The following NT5DC4 variants were observed in gnomAD, a reference collection of about 807,000 sequenced individuals.
NT5DC4 encodes 5'-nucleotidase domain-containing protein 4.
In NT5DC4, 44 loss-of-function variants were observed where a neutral mutation model predicts 26.6. The observed-to-expected ratio is 1.65, with a 90% CI of 1.30 to 2.13. The LOEUF is 2.13. Ranked by LOEUF, NT5DC4 falls within the 30% of genes most tolerant of loss-of-function variation. The pLI is 0.00. For synonymous variants in NT5DC4, 157 were observed against 86.7 expected (o/e 1.81, Z -4.51); for missense variants, 399 against 228.1 (o/e 1.75, Z -4.83).
intron 16 of NT5DC4, among the ~76,000 whole-genome samples, chr2:112,732,207 G>A (rs1204712993): frequency 9.0e-6 from 1 of 111,414 alleles, no homozygotes; most frequent in Non-Finnish European, 1.8e-5. Context: ...CACCGAGCCT[G>A]GCATTTTTTT....
Position 112,724,836 on chromosome 2 carries a change from C to A in NT5DC4, c.845C>A (p.Thr282Lys), listed in dbSNP as rs904701383. 13 of 717,072 alleles carry A rather than the reference C, an allele frequency of 1.8e-5. No homozygotes were observed. Among genetic ancestry groups the A allele is most frequent in the Non-Finnish European group, 3.1e-5 (12 of 385,028 alleles). The allele number at this position is 717,072 out of a possible 1,614,324, so 44.4% of individuals were successfully genotyped here. Residue 282 changes from threonine (T) to lysine (K), a missense_variant, in exon 11 of 17, where the codon ACG becomes AAG. Transcript: ENST00000688554. The stretch of plus-strand genomic sequence containing the variant: ...TACTTTGACCTGATCGTGGTGGACA[C>A]GCAGAAGCCCCACTTCTTTGCAGAG... ...RSYFDLIVVDTQKPHFFAEGL... is the reference protein window; with the variant it reads ...RSYFDLIVVDKQKPHFFAEGL...
At chr2:112,729,746 A>G (rs949290193) in intron 16 of NT5DC4, 42 bp downstream of exon 16, 1 of 716,988 alleles carries the variant, frequency 1.4e-6, no homozygotes, top group Admixed American at 2.0e-5. Context: ...TTGGGGTCCC[A>G]TGGGCTAGAG....
chr2:112,724,755 G>A lies in NT5DC4; in HGVS notation c.790-26G>A, dbSNP rs920430166. 8 of 716,422 alleles carry A rather than the reference G, an allele frequency of 1.1e-5. No individual in the cohort carries two copies. In the Admixed American group the frequency reaches 1.4e-4, roughly 13 times the overall value. 44.4% of individuals were successfully genotyped at this position (716,422 alleles called of 1,614,324 possible). A position where few individuals can be genotyped will look rare whatever the true frequency, so the allele number is the denominator to read the frequency against. ...AGGTCAGATTTACCAGGCTGTGTGT[G>A]TGCAGCCCGTGTGCACCCCCAACAG... On this transcript the variant is annotated intron_variant, in intron 10 of 16. Coordinates refer to ENST00000688554, the MANE Select transcript of NT5DC4 (RefSeq NM_001393655.1).
At chr2:112,734,153 C>T (rs1239259356) in intron 16 of NT5DC4, among the ~76,000 whole-genome samples, 1 of 77,428 alleles carries the variant, frequency 1.3e-5, no homozygotes, top group African/African-American at 5.2e-5. Flanking sequence ...TAAGTGTTTT[C>T]TATGCTATTA....
chr2:112,721,936 G>C lies in NT5DC4; in HGVS notation c.148+45G>C, dbSNP rs542492953. On this transcript the variant is annotated intron_variant, in intron 2 of 16. Transcript: ENST00000688554. ...AGCGTATTGGGAGCTGGAGGGAGCA[G>C]GGGTGGGCAGCTGGGCACCAAAGCC... The C allele has an allele frequency of 4.0e-5, 29 of 717,374 alleles. No individual in the cohort carries two copies. The African/African-American group carries it at 4.2e-4, about 10-fold the overall frequency. 44.4% of individuals were successfully genotyped at this position (717,374 alleles called of 1,614,324 possible).
At chr2:112,737,298 C>T (rs976112785) in intron 16 of NT5DC4, 1 of 152,120 alleles carries the variant, frequency 6.6e-6, no homozygotes, top group Non-Finnish European at 1.5e-5. Flanking sequence ...CTTTAGGAGC[C>T]TCCATACCGT....
intron 15 of NT5DC4, among the ~76,000 whole-genome samples, chr2:112,728,291 G>T (rs1678019402): frequency 6.6e-6 from 1 of 152,238 alleles, no homozygotes; most frequent in African/African-American, 2.4e-5. Flanking sequence ...GGAAGGCACA[G>T]TCCTCCTACC....
chr2:112,729,332 G>C (rs1678175465), intron 15 of NT5DC4, among the ~76,000 whole-genome samples: 1 of 152,194 alleles, frequency 6.6e-6, no homozygotes, highest in African/African-American at 2.4e-5. Context: ...ATGTTGCCCA[G>C]GCTGGTCTTG....
chr2:112,719,524 T>C (rs537274613), upstream of NT5DC4, among the ~76,000 whole-genome samples: 1 of 146,252 alleles, frequency 6.8e-6, no homozygotes, highest in African/African-American at 2.6e-5. Context: ...CTTGCTGTGT[T>C]GCCCAGGCTG....
At chr2:112,722,449 G>A (rs1212242153) in intron 4 of NT5DC4, 34 bp from the exon 5 acceptor site, 1 of 716,818 alleles carries the variant, frequency 1.4e-6, no homozygotes, top group Non-Finnish European at 2.6e-6. Flanking sequence ...AGGCCTCCAG[G>A]AGGCACTGGG....
chr2:112,741,053 T>C (rs60396978), downstream of NT5DC4: 9,189 of 1,274,302 alleles, frequency 7.2e-3, 499 homozygotes, highest in African/African-American at 0.12. Flanking sequence ...ACCAATTTAA[T>C]ACTTCAACTA....
upstream of NT5DC4, among the ~76,000 whole-genome samples, chr2:112,719,579 G>A (rs1395995637): frequency 7.2e-6 from 1 of 138,930 alleles, no homozygotes; most frequent in Non-Finnish European, 1.5e-5. Context: ...TCTGCTTTCT[G>A]GGTTCAAGTG....
chr2:112,722,699 C>A lies in NT5DC4; in HGVS notation c.470-15C>A, dbSNP rs188055009. On this transcript the variant is annotated splice_polypyrimidine_tract_variant and intron_variant, in intron 5 of 16. Transcript: ENST00000688554. ...GCTCCCTGGGCTGACAACTGACCAT[C>A]CTGTCTGCCCCCAGAAACCTACCTC... 2.3e-4 allele frequency: 162 copies of A among 717,668 alleles called. No homozygotes were observed. The African/African-American group carries it at 2.5e-3, about 11-fold the overall frequency. The allele number at this position is 717,668 out of a possible 1,614,324, so 44.5% of individuals were successfully genotyped here.
downstream of NT5DC4, among the ~76,000 whole-genome samples, chr2:112,741,334 C>A (rs1167610516): frequency 6.6e-6 from 1 of 152,174 alleles, no homozygotes. Context: ...TAATCACTGG[C>A]CTTCTACCCT....
At position 112,724,912 on chromosome 2, in the gene NT5DC4, T is replaced by G. The variant is rs1244023510; in HGVS notation, c.915+6T>G. The G allele has an allele frequency of 1.4e-6, 1 of 716,632 alleles. No individual in the cohort carries two copies. Among genetic ancestry groups the G allele is most frequent in the East Asian group, 2.7e-5 (1 of 37,264 alleles). The allele number at this position is 716,632 out of a possible 1,614,324, so 44.4% of individuals were successfully genotyped here. ...CGGTAATGGCAGGTGCAGAGGTCAGTCCACCTGCACCCATGGACCACGGTT... is the reference window on the plus strand; with the variant it reads ...CGGTAATGGCAGGTGCAGAGGTCAGGCCACCTGCACCCATGGACCACGGTT... On this transcript the variant is annotated splice_donor_region_variant and intron_variant, in intron 11 of 16. Coordinates refer to ENST00000688554, the MANE Select transcript of NT5DC4 (RefSeq NM_001393655.1).
At chr2:112,742,396 C>T, downstream of NT5DC4, 1 of 717,488 alleles carries the variant, frequency 1.4e-6, no homozygotes, top group Non-Finnish European at 2.6e-6. Context: ...TAAGGCATTT[C>T]TCCTTTCTGC....
Position 112,722,002 on chromosome 2 carries a change from T to G in NT5DC4, c.165T>G (p.Ala55=). Residue 55 remains alanine (A), a synonymous_variant, in exon 3 of 17, where the codon GCT becomes GCG. Transcript: ENST00000688554. ...DYTLAAYKSP[A]YEALTFELLL... is the part of the protein sequence containing the mutation. ...CCTCTGCAGCCTACAAGTCCCCAGC[T>G]TATGAGGCCCTGACCTTCGAGCTGC... The G allele has an allele frequency of 1.4e-6, 1 of 717,270 alleles. No homozygotes were observed. Among genetic ancestry groups the G allele is most frequent in the Admixed American group, 2.0e-5 (1 of 50,018 alleles). 44.4% of individuals were successfully genotyped at this position (717,270 alleles called of 1,614,324 possible). A position where few individuals can be genotyped will look rare whatever the true frequency, so the allele number is the denominator to read the frequency against.
chr2:112,721,648 A>G, intron 1 of NT5DC4, 170 bp from the exon 2 acceptor site: 3 of 716,662 alleles, frequency 4.2e-6, no homozygotes, highest in Non-Finnish European at 7.8e-6. Context: ...CTTCAGACAC[A>G]CATGGGTCCA....
chr2:112,731,645 T>C (rs1166721691), intron 16 of NT5DC4: 1 of 152,222 alleles, frequency 6.6e-6, no homozygotes, highest in Non-Finnish European at 1.5e-5. Context: ...GTTAGAAGCT[T>C]CTCTGTGGTA....
Sources: gnomAD v4.1 joint callset for allele counts (sites outside exome capture counted in the v4.1 genomes callset) on GRCh38, gnomAD v4.1.1 for gene constraint, MANE v1.5 for transcripts, NCBI Gene and HGNC (gene_info 2026-07-23, HGNC 2026-07-21) for gene names.